Variants in RAB21 observed in about 807,000 individuals in gnomAD.
The protein encoded by RAB21 is ras-related protein Rab-21.
A neutral mutation model predicts 33.1 loss-of-function variants in RAB21; 13 were observed. The observed-to-expected ratio is 0.39, with a 90% confidence interval of 0.26 to 0.62. The LOEUF is 0.62. RAB21 is among the 20% of genes least tolerant of loss of function. The pLI is 0.48. For missense variants in RAB21, 234 were observed against 279.1 expected, an observed-to-expected ratio of 0.84 and a Z score of 1.15; for synonymous variants, 91 against 103.7, an observed-to-expected ratio of 0.88 and a Z score of 0.74.
intron 1 of RAB21, among the ~76,000 whole-genome samples, chr12:71,756,650 A>G (rs1445302885): frequency 6.6e-6 from 1 of 152,254 alleles, no homozygotes; most frequent in Admixed American, 6.5e-5. Flanking sequence ...GAACACTGAC[A>G]AAATTTTAAT....
intron 4 of RAB21, 45 bp downstream of exon 4, chr12:71,774,067 T>G: frequency 7.4e-7 from 1 of 1,343,598 alleles, no homozygotes; most frequent in Non-Finnish European, 1.0e-6. Context: ...CTCTGTTTCC[T>G]TAATGTTTTA....
rs1883372353 is a variant in RAB21, at chr12:71,790,937, G to T, written c.*5264G>T. The T allele has an allele frequency of 6.6e-6, 1 of 151,214 alleles. No homozygotes were observed. Among genetic ancestry groups the T allele is most frequent in the Admixed American group, 6.6e-5 (1 of 15,154 alleles). The allele number at this position is 151,214 out of a possible 1,614,324, so 9.4% of individuals were successfully genotyped here. A position where few individuals can be genotyped will look rare whatever the true frequency, so the allele number is the denominator to read the frequency against. On this transcript the variant is annotated 3_prime_UTR_variant, in exon 7 of 7. Coordinates refer to ENST00000261263, the MANE Select transcript of RAB21 (RefSeq NM_014999.4). The stretch of plus-strand genomic sequence containing the variant: ...CTCTGACTCCATGAAACCTGAAAAG[G>T]AATCTGGTCTGTTAGGTGGATTTCA...
chr12:71,770,645 T>A lies in RAB21; in HGVS notation c.273T>A (p.Asp91Glu), dbSNP rs1190571876. Residue 91 changes from aspartate to glutamate, a missense_variant, in exon 3 of 7, where the codon GAT becomes GAA. Physicochemically the swap from Asp to Glu is conservative, Grantham distance 45. Transcript: ENST00000261263. ...FHALGPIYYR[D>E]SNGAILVYDI... ...CATTGGGTCCAATTTACTACAGAGA[T>A]TCAAATGGAGCGATTTTAGTTTATG... 3 of 1,609,772 alleles carry A rather than the reference T, an allele frequency of 1.9e-6. No homozygotes were observed. The African/African-American group carries it at 4.0e-5, about 22-fold the overall frequency.
rs1471640497 is a variant in RAB21, at chr12:71,795,292, T to G, written c.*9619T>G. On this transcript the variant is annotated 3_prime_UTR_variant, in exon 7 of 7. Transcript: ENST00000261263. ...GCATCATGGTATTTGTAGTGGTGCT[T>G]AAAAAAGAAGCAGCAGCAGCTGTTC... 1 of 152,164 alleles carries G rather than the reference T, an allele frequency of 6.6e-6. No individual in the cohort carries two copies. The highest frequency in any genetic ancestry group is 1.5e-5 in the Non-Finnish European group (1 of 68,028). The allele number at this position is 152,164 out of a possible 1,614,324, so 9.4% of individuals were successfully genotyped here.
intron 5 of RAB21, 133 bp downstream of exon 5, chr12:71,782,218 T>A: frequency 1.2e-6 from 1 of 858,254 alleles, no homozygotes; most frequent in East Asian, 2.5e-5. Context: ...GTGAAGCATG[T>A]TTACATGGTA....
At chr12:71,766,842 A>G (rs1394666559) in intron 1 of RAB21, among the ~76,000 whole-genome samples, 1 of 152,136 alleles carries the variant, frequency 6.6e-6, no homozygotes, top group Non-Finnish European at 1.5e-5. Flanking sequence ...AAAGCCATAT[A>G]AGTTGGAGAA....
rs1211168069 is a variant in RAB21 at position 71,796,156 on chromosome 12, A to T, written c.*10483A>T. On this transcript the variant is annotated 3_prime_UTR_variant, in exon 7 of 7. Transcript: ENST00000261263. ...AGCCTCTGTGGTATACACACAGACAATGTAAAATCCAAGAAATATAAGGTC... is the reference window on the plus strand; with the variant it reads ...AGCCTCTGTGGTATACACACAGACATTGTAAAATCCAAGAAATATAAGGTC... The T allele has an allele frequency of 1.5e-5, 2 of 137,412 alleles. 1 individual carries two copies. Among genetic ancestry groups the T allele is most frequent in the African/African-American group, 5.9e-5 (2 of 34,020 alleles). 8.5% of individuals were successfully genotyped at this position (137,412 alleles called of 1,614,324 possible).
At chr12:71,773,638 A>G (rs1264029221) in intron 3 of RAB21, among the ~76,000 whole-genome samples, 2 of 152,138 alleles carry the variant, frequency 1.3e-5, no homozygotes, top group African/African-American at 4.8e-5. Flanking sequence ...TGTTATCTAT[A>G]TTGTTAAAGC....
chr12:71,773,910 A>T, intron 3 of RAB21, 49 bp from the exon 4 acceptor site: 1 of 1,318,334 alleles, frequency 7.6e-7, no homozygotes, highest in Non-Finnish European at 1.1e-6. Context: ...TTGTGATAGT[A>T]GTAATTCCAA....
chr12:71,771,182 A>G (rs1243695351), intron 3 of RAB21, among the ~76,000 whole-genome samples: 1 of 152,228 alleles, frequency 6.6e-6, no homozygotes, highest in East Asian at 1.9e-4. Flanking sequence ...TTTTAAAAGG[A>G]CAGTCTTAAA....
intron 1 of RAB21, among the ~76,000 whole-genome samples, chr12:71,759,418 A>G (rs537373337): frequency 1.3e-5 from 2 of 152,384 alleles, no homozygotes; most frequent in South Asian, 2.1e-4. Flanking sequence ...GCTCTGCAGC[A>G]AGTTTTACTG....
At chr12:71,764,936 C>T (rs1882936897) in intron 1 of RAB21, among the ~76,000 whole-genome samples, 1 of 152,100 alleles carries the variant, frequency 6.6e-6, no homozygotes, top group Non-Finnish European at 1.5e-5. Context: ...GTGTCTTTTT[C>T]ATATGACAAC....
Position 71,764,118 on chromosome 12 carries a change from C to T in RAB21, c.160-5682C>T, listed in dbSNP as rs527783655. ...TTGAATTGGCTATTGTTTAATGTTA[C>T]TCTCCCTCCTTCCGTTTGTGGACTG... On this transcript the variant is annotated intron_variant, in intron 1 of 6. Transcript: ENST00000261263. 3.1e-4 allele frequency among the ~76,000 whole-genome samples: 47 copies of T among 152,250 alleles called. 2 individuals carry two copies. In the South Asian group the frequency reaches 8.9e-3, roughly 29 times the overall value.
chr12:71,781,294 C>T (rs192143105), intron 4 of RAB21, among the ~76,000 whole-genome samples: 2 of 151,840 alleles, frequency 1.3e-5, no homozygotes, highest in Non-Finnish European at 2.9e-5. Flanking sequence ...ACAGTGAAAC[C>T]CCATCTCTAC....
chr12:71,758,291 C>T (rs1168029259), intron 1 of RAB21, among the ~76,000 whole-genome samples: 1 of 152,072 alleles, frequency 6.6e-6, no homozygotes, highest in Non-Finnish European at 1.5e-5. Context: ...CCTCGGCCTC[C>T]CAAAGTGCTG....
intron 6 of RAB21, among the ~76,000 whole-genome samples, chr12:71,785,055 C>T (rs1883263789): frequency 6.6e-6 from 1 of 152,108 alleles, no homozygotes; most frequent in South Asian, 2.1e-4. Flanking sequence ...ATGATCACAC[C>T]ACTGCACATC....
At chr12:71,771,791 T>C (rs937450700) in intron 3 of RAB21, among the ~76,000 whole-genome samples, 2 of 151,978 alleles carry the variant, frequency 1.3e-5, no homozygotes, top group Admixed American at 1.3e-4. Context: ...CCAGCCAACA[T>C]GGTGAACTCC....
chr12:71,771,840 G>A (rs1883047199), intron 3 of RAB21, among the ~76,000 whole-genome samples: 1 of 151,980 alleles, frequency 6.6e-6, no homozygotes, highest in Non-Finnish European at 1.5e-5. Context: ...GCTGGGTTTG[G>A]TGGCACATGC....
rs369714985 is a variant in RAB21, at chr12:71,785,900, G to GTTTTTTTTTTGT, written c.*236_*237insTGTTTTTTTTTT. On this transcript the variant is annotated 3_prime_UTR_variant, in exon 7 of 7. Coordinates refer to ENST00000261263, the MANE Select transcript of RAB21 (RefSeq NM_014999.4). Reference sequence around the variant, plus strand: ...AAATGTTTTTTTTTGTTTTTTTTTTGTTTTTTTTTGTTTTTTTTTGAGACG... The same window carrying GTTTTTTTTTTGT: ...AAATGTTTTTTTTTGTTTTTTTTTTGTTTTTTTTTTGTTTTTTTTTTGTTTTTTTTTGAGACG... 6 of 345,272 alleles carry GTTTTTTTTTTGT rather than the reference G, an allele frequency of 1.7e-5. No homozygotes were observed. The highest frequency in any genetic ancestry group is 5.0e-5 in the Admixed American group (1 of 20,046). The allele number at this position is 345,272 out of a possible 1,614,324, so 21.4% of individuals were successfully genotyped here.
Sources: allele counts gnomAD v4.1 joint callset (sites outside exome capture counted in the v4.1 genomes callset), GRCh38; gene constraint gnomAD v4.1.1; transcripts MANE v1.5; gene names NCBI Gene and HGNC (gene_info 2026-07-23, HGNC 2026-07-21).